The following DYNC1I1 variants were observed in gnomAD, a reference collection of about 807,000 sequenced individuals.
DYNC1I1 encodes dynein cytoplasmic 1 intermediate chain 1, also known as cytoplasmic dynein 1 intermediate chain 1.
A neutral mutation model predicts 86.6 loss-of-function variants in DYNC1I1; 43 were observed. The ratio of observed to expected loss-of-function variants is 0.50; its 90% CI spans 0.39 to 0.64. DYNC1I1 has a LOEUF of 0.64. Ranked by LOEUF, DYNC1I1 falls within the 30% of genes least tolerant of loss-of-function variation. The probability of loss-of-function intolerance (pLI) is 0.00; values close to 1 mark genes in which losing one functional copy is unlikely to be tolerated. For missense variants in DYNC1I1, 604 were observed against 788.8 expected (o/e 0.77, Z 2.81); for synonymous variants, 262 against 283.7 (o/e 0.92, Z 0.77).
Position 95,855,884 on chromosome 7 carries a change from G to C in DYNC1I1, c.375-13999G>C, listed in dbSNP as rs139439620. On this transcript the variant is annotated intron_variant, in intron 5 of 16. Transcript: ENST00000447467. ...GCTCTGGGTTAGTTAGTGAGTGAGT[G>C]GTAAGTGAATGTGAAGGTCTAGGAC... 2.0e-3 allele frequency among the ~76,000 whole-genome samples: 300 copies of C among 152,190 alleles called. 9 individuals carry two copies. In the East Asian group the frequency reaches 0.047, roughly 24 times the overall value.
At chr7:95,810,711 T>G (rs1297141950) in intron 3 of DYNC1I1, among the ~76,000 whole-genome samples, 1 of 152,100 alleles carries the variant, frequency 6.6e-6, no homozygotes, top group East Asian at 1.9e-4. Context: ...GAATTGTCAG[T>G]AGTTTGGGGC....
intron 14 of DYNC1I1, among the ~76,000 whole-genome samples, chr7:96,063,105 A>G (rs1181754802): frequency 3.1e-5 from 4 of 128,654 alleles, no homozygotes; most frequent in African/African-American, 1.4e-4. Context: ...GTGTGTATAT[A>G]TATGTGTGTG....
At chr7:95,883,670 T>C (rs1056509719) in intron 6 of DYNC1I1, among the ~76,000 whole-genome samples, 9 of 152,192 alleles carry the variant, frequency 5.9e-5, no homozygotes, top group African/African-American at 2.2e-4. Flanking sequence ...ACCAGCAATA[T>C]GTTGGCAGTG....
At chr7:96,100,589 G>A (rs1791117747), downstream of DYNC1I1, among the ~76,000 whole-genome samples, 1 of 152,008 alleles carries the variant, frequency 6.6e-6, no homozygotes, top group Admixed American at 6.6e-5. Flanking sequence ...ATTTTGAGGT[G>A]TTTAATCAAG....
chr7:95,877,968 C>T (rs1423577033), intron 6 of DYNC1I1, among the ~76,000 whole-genome samples: 2 of 152,172 alleles, frequency 1.3e-5, no homozygotes, highest in African/African-American at 2.4e-5. Flanking sequence ...CCCAAGGCTG[C>T]GCCCTTCCAG....
intron 1 of DYNC1I1, among the ~76,000 whole-genome samples, chr7:95,793,477 T>A (rs1794361043): frequency 6.6e-6 from 1 of 151,486 alleles, no homozygotes. Context: ...CAGAAGGGAA[T>A]GGAAGTTGCG....
intron 14 of DYNC1I1, among the ~76,000 whole-genome samples, chr7:96,054,215 T>C (rs1789501372): frequency 6.6e-6 from 1 of 152,052 alleles, no homozygotes; most frequent in African/African-American, 2.4e-5. Context: ...CAACTTCCAC[T>C]TATGAGTGAG....
intron 5 of DYNC1I1, among the ~76,000 whole-genome samples, chr7:95,861,832 T>C (rs1235566975): frequency 2.0e-5 from 3 of 152,120 alleles, no homozygotes; most frequent in Non-Finnish European, 4.4e-5. Flanking sequence ...GGTGATGGGG[T>C]CTCTCCCCTT....
chr7:96,023,930 G>T (rs1288787591), intron 10 of DYNC1I1, among the ~76,000 whole-genome samples: 1 of 152,180 alleles, frequency 6.6e-6, no homozygotes, highest in Admixed American at 6.6e-5. Context: ...CCGAACTTGG[G>T]AGGAACATAT....
intron 16 of DYNC1I1, among the ~76,000 whole-genome samples, chr7:96,108,084 A>G (rs1050119417): frequency 1.3e-5 from 2 of 152,070 alleles, no homozygotes; most frequent in Non-Finnish European, 2.9e-5. Flanking sequence ...ATGATGTATG[A>G]TATAAGCTAT....
At chr7:95,779,632 C>T (rs1448027913) in intron 1 of DYNC1I1, among the ~76,000 whole-genome samples, 1 of 152,154 alleles carries the variant, frequency 6.6e-6, no homozygotes, top group Non-Finnish European at 1.5e-5. Flanking sequence ...TTCTCCTAGA[C>T]TTTAGGCTCC....
chr7:96,039,999 C>T (rs1036971130), intron 14 of DYNC1I1, among the ~76,000 whole-genome samples: 2 of 151,984 alleles, frequency 1.3e-5, no homozygotes, highest in Admixed American at 6.6e-5. Flanking sequence ...TTTGGGAGGC[C>T]GAGGTGGGTG....
At chr7:95,791,210 A>T (rs1193077433) in intron 1 of DYNC1I1, among the ~76,000 whole-genome samples, 1 of 152,168 alleles carries the variant, frequency 6.6e-6, no homozygotes, top group African/African-American at 2.4e-5. Flanking sequence ...TTCCTTTAAT[A>T]TGATAGTTTA....
intron 5 of DYNC1I1, among the ~76,000 whole-genome samples, chr7:95,830,635 A>G (rs1795300395): frequency 1.3e-5 from 2 of 152,156 alleles, no homozygotes; most frequent in Non-Finnish European, 2.9e-5. Flanking sequence ...ATTTTTGCCC[A>G]TTACAAATAG....
At chr7:95,894,885 A>G (rs928766459) in intron 6 of DYNC1I1, among the ~76,000 whole-genome samples, 1 of 152,192 alleles carries the variant, frequency 6.6e-6, no homozygotes, top group Non-Finnish European at 1.5e-5. Flanking sequence ...TCTTAGCCCA[A>G]TTCGTTCAAC....
At chr7:95,892,678 C>T (rs1381380296) in intron 6 of DYNC1I1, among the ~76,000 whole-genome samples, 3 of 152,012 alleles carry the variant, frequency 2.0e-5, no homozygotes, top group Non-Finnish European at 4.4e-5. Context: ...AATTCCTGAC[C>T]TCAGGTGATC....
At chr7:95,798,541 T>C (rs759218621) in intron 1 of DYNC1I1, among the ~76,000 whole-genome samples, 4 of 152,166 alleles carry the variant, frequency 2.6e-5, no homozygotes, top group Non-Finnish European at 5.9e-5. Context: ...CAAGAGCAAT[T>C]GTTTTCAGGC....
intron 7 of DYNC1I1, 41 bp from the exon 8 acceptor site, chr7:95,984,774 T>C (rs1395369572): frequency 6.5e-7 from 1 of 1,542,388 alleles, no homozygotes; most frequent in East Asian, 2.3e-5. Flanking sequence ...TCACTTTTTC[T>C]TCCCTAACAA....
chr7:95,996,110 T>A, intron 10 of DYNC1I1, 37 bp downstream of exon 10: 1 of 1,613,456 alleles, frequency 6.2e-7, no homozygotes, highest in Non-Finnish European at 8.5e-7. Context: ...TTACATCTCC[T>A]GCTAGACCAA....
Sources: gnomAD v4.1 joint callset for allele counts (sites outside exome capture counted in the v4.1 genomes callset) on GRCh38, gnomAD v4.1.1 for gene constraint, MANE v1.5 for transcripts, NCBI Gene and HGNC (gene_info 2026-07-23, HGNC 2026-07-21) for gene names.